The following CNBD1 variants were observed in gnomAD, a reference collection of about 807,000 sequenced individuals.
CNBD1 encodes cyclic nucleotide-binding domain-containing protein 1.
A neutral mutation model predicts 54.4 loss-of-function variants in CNBD1; 71 were observed. That is an observed-to-expected ratio of 1.30 (90% confidence interval 1.08 to 1.59). CNBD1 has a LOEUF of 1.59. Ranked by LOEUF, CNBD1 falls within the 40% of genes most tolerant of loss-of-function variation. The pLI, the probability that CNBD1 is intolerant of heterozygous loss-of-function variation, is 0.00. For synonymous variants in CNBD1, 182 were observed against 170.7 expected (o/e 1.07, Z -0.51); for missense variants, 659 against 518.0 (o/e 1.27, Z -2.64).
rs547694645 is a variant in CNBD1, at chr8:87,354,675, T to C, written c.1303+889T>C. Among the ~76,000 whole-genome samples the C allele has an allele frequency of 5.5e-4, 84 of 152,068 alleles. No individual in the cohort carries two copies. In the South Asian group the frequency reaches 0.015, roughly 27 times the overall value. On this transcript the variant is annotated intron_variant, in intron 10 of 10. Transcript: ENST00000518476. ...TGCGGTGTTTGGTTTTTTGTCCTTG[T>C]GATAGTTTGCTGAGAATGATAGTTT...
chr8:86,998,469 A>G (rs927087735), intron 4 of CNBD1, among the ~76,000 whole-genome samples: 1 of 152,180 alleles, frequency 6.6e-6, no homozygotes, highest in South Asian at 2.1e-4. Context: ...ACACTTGTTT[A>G]TGAGAGCTGA....
intron 6 of CNBD1, among the ~76,000 whole-genome samples, chr8:87,254,974 T>C (rs1807982240): frequency 6.6e-6 from 1 of 152,170 alleles, no homozygotes; most frequent in Non-Finnish European, 1.5e-5. Flanking sequence ...AAAAACTCTA[T>C]TCACTGATTT....
intron 6 of CNBD1, among the ~76,000 whole-genome samples, chr8:87,266,436 A>AATT (rs71503464): frequency 2.1e-4 from 16 of 76,256 alleles, no homozygotes; most frequent in East Asian, 6.7e-4. Flanking sequence ...AAAAAAAAAA[A>AATT]TCTTTTTTTT....
intron 4 of CNBD1, among the ~76,000 whole-genome samples, chr8:87,074,448 C>CT (rs1198908941): frequency 6.6e-6 from 1 of 152,064 alleles, no homozygotes; most frequent in Non-Finnish European, 1.5e-5. Flanking sequence ...GATCTCCCAC[C>CT]TTTTTGGGGA....
At chr8:87,316,849 T>C (rs1809396628) in intron 8 of CNBD1, among the ~76,000 whole-genome samples, 1 of 151,834 alleles carries the variant, frequency 6.6e-6, no homozygotes, top group African/African-American at 2.4e-5. Context: ...ACAACTCCTA[T>C]TTATATACAA....
intron 4 of CNBD1, among the ~76,000 whole-genome samples, chr8:87,164,904 A>G (rs1017482001): frequency 6.6e-6 from 1 of 151,742 alleles, no homozygotes; most frequent in Non-Finnish European, 1.5e-5. Context: ...TACTTAATGT[A>G]TGCATTGATA....
intron 4 of CNBD1, among the ~76,000 whole-genome samples, chr8:87,012,282 C>T (rs549385548): frequency 1.7e-4 from 26 of 152,088 alleles, no homozygotes; most frequent in Non-Finnish European, 3.5e-4. Flanking sequence ...GGGTTGAAGA[C>T]TAAGCTCTGA....
At chr8:87,033,598 G>A (rs1809841753) in intron 4 of CNBD1, among the ~76,000 whole-genome samples, 1 of 152,158 alleles carries the variant, frequency 6.6e-6, no homozygotes, top group South Asian at 2.1e-4. Flanking sequence ...GCACAAAACT[G>A]TAGAGTTAGC....
At chr8:86,883,846 T>C (rs533943895) in intron 1 of CNBD1, among the ~76,000 whole-genome samples, 5 of 152,188 alleles carry the variant, frequency 3.3e-5, no homozygotes, top group Admixed American at 6.5e-5. Flanking sequence ...TTTTGATAAT[T>C]TGTTGTAAAA....
chr8:87,295,658 T>C (rs1391838864), intron 8 of CNBD1, among the ~76,000 whole-genome samples: 1 of 152,106 alleles, frequency 6.6e-6, no homozygotes, highest in Non-Finnish European at 1.5e-5. Context: ...CAAATGACCA[T>C]TGCTTCTTTA....
intron 4 of CNBD1, among the ~76,000 whole-genome samples, chr8:86,989,088 T>C (rs1419667421): frequency 6.6e-6 from 1 of 152,026 alleles, no homozygotes; most frequent in East Asian, 1.9e-4. Flanking sequence ...ACAGGCAACA[T>C]AGTGAGATTG....
intron 4 of CNBD1, among the ~76,000 whole-genome samples, chr8:87,075,831 G>A (rs1272981311): frequency 6.6e-6 from 1 of 152,170 alleles, no homozygotes; most frequent in Non-Finnish European, 1.5e-5. Context: ...AGCTTTCTGT[G>A]AGGTGAGCAA....
intron 4 of CNBD1, among the ~76,000 whole-genome samples, chr8:87,084,097 T>G (rs1004487779): frequency 6.6e-6 from 1 of 152,198 alleles, no homozygotes; most frequent in African/African-American, 2.4e-5. Context: ...TGTTAAAGGA[T>G]TACAACAGTA....
At chr8:87,337,808 CTAA>C (rs1017922160) in intron 8 of CNBD1, among the ~76,000 whole-genome samples, 4 of 152,160 alleles carry the variant, frequency 2.6e-5, no homozygotes, top group African/African-American at 9.7e-5. Flanking sequence ...CTAGTCAGTT[CTAA>C]TGACAGAACC....
intron 5 of CNBD1, among the ~76,000 whole-genome samples, chr8:87,211,065 G>A (rs2130801336): frequency 6.6e-6 from 1 of 152,268 alleles, no homozygotes; most frequent in South Asian, 2.1e-4. Flanking sequence ...CCCACCACTT[G>A]TACCAGTGTG....
At chr8:87,062,195 G>A (rs1306389724) in intron 4 of CNBD1, among the ~76,000 whole-genome samples, 1 of 152,122 alleles carries the variant, frequency 6.6e-6, no homozygotes, top group African/African-American at 2.4e-5. Flanking sequence ...TATTTTATTA[G>A]TTATTCAAGG....
At chr8:87,355,092 T>C (rs1810395515) in intron 10 of CNBD1, among the ~76,000 whole-genome samples, 1 of 152,074 alleles carries the variant, frequency 6.6e-6, no homozygotes, top group Non-Finnish European at 1.5e-5. Flanking sequence ...TTTAAAAGAG[T>C]AGAGATATTT....
chr8:87,368,758 G>T (rs575607227), intron 10 of CNBD1, among the ~76,000 whole-genome samples: 1 of 152,146 alleles, frequency 6.6e-6, no homozygotes, highest in East Asian at 1.9e-4. Flanking sequence ...CCTTGCTTTT[G>T]TCTGTGCTTA....
intron 2 of CNBD1, among the ~76,000 whole-genome samples, chr8:87,416,861 T>C (rs527557972): frequency 6.6e-6 from 1 of 152,020 alleles, no homozygotes; most frequent in African/African-American, 2.4e-5. Flanking sequence ...TTTATAAATA[T>C]GGATGTAAAA....
Sources: allele counts gnomAD v4.1 joint callset (sites outside exome capture counted in the v4.1 genomes callset), GRCh38; gene constraint gnomAD v4.1.1; transcripts MANE v1.5; gene names NCBI Gene and HGNC (gene_info 2026-07-23, HGNC 2026-07-21).